The following STK3 variants were observed in gnomAD, a reference collection of about 807,000 sequenced individuals.
STK3 encodes the protein serine/threonine kinase 3.
A neutral mutation model predicts 58.0 loss-of-function variants in STK3; 41 were observed. That is an observed-to-expected ratio of 0.71 (90% CI 0.55 to 0.92). STK3 has a LOEUF of 0.92. Ranked by LOEUF, STK3 falls within the 40% of genes least tolerant of loss-of-function variation. The probability of loss-of-function intolerance (pLI) is 0.00; values close to 1 mark genes in which losing one functional copy is unlikely to be tolerated. For missense variants in STK3, 479 were observed against 602.7 expected (o/e 0.79, Z 2.15); for synonymous variants, 170 against 191.0 (o/e 0.89, Z 0.91).
intron 10 of STK3, among the ~76,000 whole-genome samples, chr8:98,520,167 A>T (rs768314484): frequency 2.6e-5 from 4 of 152,184 alleles, no homozygotes; most frequent in Non-Finnish European, 4.4e-5. Flanking sequence ...TAATAAACAG[A>T]CTTGCCTTTT....
intron 10 of STK3, among the ~76,000 whole-genome samples, chr8:98,456,555 G>A (rs536052898): frequency 2.4e-4 from 36 of 152,314 alleles, no homozygotes; most frequent in African/African-American, 8.7e-4. Flanking sequence ...CCCAAAAGCA[G>A]GAAGCCATGA....
downstream of STK3, among the ~76,000 whole-genome samples, chr8:98,452,739 G>C (rs1051845189): frequency 1.3e-5 from 2 of 150,720 alleles, no homozygotes; most frequent in South Asian, 2.1e-4. Flanking sequence ...ATTAATCAAG[G>C]CTTAACTAGA....
chr8:98,582,923 T>C (rs1315515649), intron 7 of STK3, among the ~76,000 whole-genome samples: 1 of 152,114 alleles, frequency 6.6e-6, no homozygotes, highest in Non-Finnish European at 1.5e-5. Flanking sequence ...ACCTCTTATG[T>C]CTTTAATTTG....
rs769263958 is a variant in STK3 at position 98,428,019 on chromosome 8, G to C, written n.483+6108C>G. 27 of 1,597,742 alleles carry C rather than the reference G, an allele frequency of 1.7e-5. No homozygotes were observed. In the South Asian group the frequency reaches 3.0e-4, roughly 18 times the overall value. On this transcript the variant is annotated intron_variant and non_coding_transcript_variant, in intron 3 of 3. Transcript: ENST00000517832. This position sits in a 1 kb window ranked among gnomAD's most constrained non-coding sequence, Gnocchi z 6.7. The stretch of plus-strand genomic sequence containing the variant: ...CCTGTGGGACGTGTCGGAGGCTAAC[G>C]TCGAGGACGGGGAGATCCGCATCAA...
At chr8:98,640,935 TTA>T (rs1241002635) in intron 6 of STK3, among the ~76,000 whole-genome samples, 1 of 151,020 alleles carries the variant, frequency 6.6e-6, no homozygotes, top group East Asian at 1.9e-4. Flanking sequence ...ACTACTATAT[TTA>T]TATGTTATAA....
intron 9 of STK3, among the ~76,000 whole-genome samples, chr8:98,541,491 G>T (rs1208893977): frequency 6.6e-6 from 1 of 152,092 alleles, no homozygotes; most frequent in Non-Finnish European, 1.5e-5. Context: ...AGAACCATAA[G>T]CAAATTATAC....
chr8:98,746,162 G>A (rs1829627664), intron 4 of STK3, among the ~76,000 whole-genome samples: 1 of 152,178 alleles, frequency 6.6e-6, no homozygotes, highest in African/African-American at 2.4e-5. Flanking sequence ...ATTGAATTAA[G>A]TGATCCAGGA....
intron 4 of STK3, among the ~76,000 whole-genome samples, chr8:98,745,981 T>C (rs1447845870): frequency 6.6e-6 from 1 of 152,216 alleles, no homozygotes; most frequent in Non-Finnish European, 1.5e-5. Flanking sequence ...AGCAACACAA[T>C]GGTAAGTATT....
intron 1 of STK3, among the ~76,000 whole-genome samples, chr8:98,801,391 C>T (rs929631950): frequency 1.3e-5 from 2 of 152,154 alleles, no homozygotes; most frequent in Non-Finnish European, 2.9e-5. Context: ...CCCTTCCACA[C>T]TGTGGAAGCT....
chr8:98,444,429 A>G (rs926680220), intron 1 of STK3, among the ~76,000 whole-genome samples: 2 of 152,198 alleles, frequency 1.3e-5, no homozygotes, highest in East Asian at 3.8e-4. Context: ...GAGCAGGGTG[A>G]GATCGACTGA....
At chr8:98,856,111 C>T (rs780065660) in intron 3 of STK3, among the ~76,000 whole-genome samples, 3 of 141,258 alleles carry the variant, frequency 2.1e-5, no homozygotes, top group Non-Finnish European at 4.5e-5. Context: ...GCCGAGATCA[C>T]ACCACTGCAC....
intron 3 of STK3, among the ~76,000 whole-genome samples, chr8:98,857,038 G>T (rs1417775428): frequency 2.6e-5 from 4 of 152,182 alleles, no homozygotes; most frequent in Non-Finnish European, 5.9e-5. Context: ...ATTAATAGTT[G>T]CTTAGGGCAG....
chr8:98,469,041 G>C (rs769478677), intron 10 of STK3, among the ~76,000 whole-genome samples: 1 of 152,016 alleles, frequency 6.6e-6, no homozygotes, highest in Non-Finnish European at 1.5e-5. Context: ...CCTGGGAGGC[G>C]GGGGTTGCAG....
Position 98,500,378 on chromosome 8 carries a change from T to A in STK3, c.1317+26364A>T, listed in dbSNP as rs1033743865. The stretch of plus-strand genomic sequence containing the variant: ...GAAACCCCATCTCTACTATTTTTTT[T>A]ATACTTTAAGTTCTAGGGTACATGT... On this transcript the variant is annotated intron_variant, in intron 10 of 10. Coordinates refer to ENST00000419617, the MANE Select transcript of STK3 (RefSeq NM_006281.4). 3.3e-5 allele frequency among the ~76,000 whole-genome samples: 5 copies of A among 152,246 alleles called. No homozygotes were observed. In the East Asian group the frequency reaches 9.7e-4, roughly 29 times the overall value.
At chr8:98,875,346 G>A (rs1837529092) in intron 3 of STK3, 1 of 152,220 alleles carries the variant, frequency 6.6e-6, no homozygotes, top group Admixed American at 6.5e-5. Context: ...TCTTGAGTTG[G>A]AGCTCCAGCT....
chr8:98,360,250 G>A, the STK3 span, among the ~76,000 whole-genome samples: 1 of 152,142 alleles, frequency 6.6e-6, no homozygotes, highest in Non-Finnish European at 1.5e-5. Flanking sequence ...AAAACTGGGA[G>A]GGACACCTGG....
chr8:98,660,827 C>T (rs1821914837), intron 6 of STK3, among the ~76,000 whole-genome samples: 1 of 152,152 alleles, frequency 6.6e-6, no homozygotes, highest in East Asian at 1.9e-4. Context: ...CTTCACTTTC[C>T]CATCATCACT....
At chr8:98,941,976 C>T (rs979723060) in intron 1 of STK3, among the ~76,000 whole-genome samples, 1 of 152,210 alleles carries the variant, frequency 6.6e-6, no homozygotes, top group African/African-American at 2.4e-5. Flanking sequence ...GGGGCACAGC[C>T]GGGCCACTGC....
At chr8:98,409,711 TC>T in intron 3 of STK3, among the ~76,000 whole-genome samples, 1 of 152,368 alleles carries the variant, frequency 6.6e-6, no homozygotes, top group Admixed American at 6.5e-5. Context: ...CCATTTTACA[TC>T]TTGAAAAATA....
Sources: allele counts gnomAD v4.1 joint callset (sites outside exome capture counted in the v4.1 genomes callset), GRCh38; gene constraint gnomAD v4.1.1; non-coding constraint Gnocchi (gnomAD v3.1); transcripts MANE v1.5; gene names NCBI Gene and HGNC (gene_info 2026-07-23, HGNC 2026-07-21).